Variants in TSC2 observed in about 807,000 individuals in gnomAD.
TSC2 encodes the protein tuberin.
TSC2 carries 29 observed loss-of-function variants against 202.2 expected under a neutral mutation model. That is an observed-to-expected ratio of 0.14 (90% confidence interval 0.11 to 0.20). The LOEUF (loss-of-function observed/expected upper bound fraction) is 0.20, where lower values mean the gene tolerates loss of function less well. Ranked by LOEUF, TSC2 falls within the 10% of genes least tolerant of loss-of-function variation. The probability of loss-of-function intolerance (pLI) is 1.00; values close to 1 mark genes in which losing one functional copy is unlikely to be tolerated. For missense variants in TSC2, 2,429 were observed against 2,420.0 expected (o/e 1.00, Z -0.08); for synonymous variants, 1,349 against 1,044.0 (o/e 1.29, Z -5.63).
chr16:2,056,814 G>A (rs2151083012), intron 8 of TSC2, 45 bp downstream of exon 8: 1 of 1,601,518 alleles, frequency 6.2e-7, no homozygotes, highest in Non-Finnish European at 8.5e-7. Context: ...AGAGCACATG[G>A]ATGGGACAAG....
rs1440918649 is a variant in TSC2 at position 2,061,872 on chromosome 16, C to G, written c.1121C>G (p.Thr374Ser). The G allele has an allele frequency of 6.2e-7, 1 of 1,614,106 alleles. No individual in the cohort carries two copies. The highest frequency in any genetic ancestry group is 8.5e-7 in the Non-Finnish European group (1 of 1,180,036). The change falls in exon 12 of 42, where the codon ACC (threonine) becomes AGC (serine). Residue 374 changes from threonine to serine, a missense_variant and splice_region_variant. Physicochemically the swap from Thr to Ser is moderately conservative, Grantham distance 58. Coordinates refer to ENST00000219476, the MANE Select transcript of TSC2 (RefSeq NM_000548.5). ...GTGTCATCGTGCCTGGTACTGCAGA[C>G]CTTGGACAGCCCGGAGCTCAGGACC... ...IIERLLQQLQTLDSPELRTIV... is the reference protein window; with the variant it reads ...IIERLLQQLQSLDSPELRTIV...
intron 11 of TSC2, chr16:2,061,474 G>A (rs2086629797): frequency 5.6e-6 from 2 of 356,040 alleles, no homozygotes; most frequent in Non-Finnish European, 1.1e-5. Context: ...GCTGGACCTG[G>A]GAGAGGCAAG....
chr16:2,059,445 C>A (rs1399824121), intron 10 of TSC2, among the ~76,000 whole-genome samples: 1 of 140,242 alleles, frequency 7.1e-6, no homozygotes, highest in East Asian at 2.2e-4. Context: ...CCAGTTCAAG[C>A]CATTCTGCCT....
intron 9 of TSC2, among the ~76,000 whole-genome samples, chr16:2,057,766 C>T (rs892023222): frequency 1.3e-5 from 2 of 151,936 alleles, no homozygotes; most frequent in African/African-American, 4.8e-5. Flanking sequence ...CTGGGGCCAG[C>T]CCTGCCTCAG....
At chr16:2,048,279 G>A (rs1175879273) in intron 1 of TSC2, 2 of 1,192,874 alleles carry the variant, frequency 1.7e-6, no homozygotes, top group East Asian at 5.1e-5. Flanking sequence ...CATGGGTAGA[G>A]GAGAGACGGC....
chr16:2,056,734 A>G lies in TSC2; in HGVS notation c.739A>G (p.Ile247Val), dbSNP rs774526017. The G allele has an allele frequency of 6.2e-6, 10 of 1,611,648 alleles. No individual in the cohort carries two copies. In the East Asian group the frequency reaches 6.7e-5, roughly 11 times the overall value. Residue 247 changes from isoleucine (I) to valine (V), a missense_variant, in exon 8 of 42, where the codon ATC becomes GTC. Coordinates refer to ENST00000219476, the MANE Select transcript of TSC2 (RefSeq NM_000548.5). ...GTTCATCGTTACCCTCTGTCGCACC[A>G]TCAACGTCAAGGAGCTCTGCGAGCC... is the stretch of plus-strand genomic sequence containing the variant. The part of the protein sequence containing the change: ...PLFIVTLCRT[I>V]NVKELCEPCW...
Position 2,074,188 on chromosome 16 carries a change from T to C in TSC2, c.2356-12T>C, listed in dbSNP as rs1388493955. The C allele has an allele frequency of 3.7e-6, 6 of 1,610,658 alleles. No homozygotes were observed. In the South Asian group the frequency reaches 5.5e-5, roughly 15 times the overall value. ...CAAGCGGGTGGGGCCTGAGGTGTCC[T>C]GTCTCCTGCAGCGCGAGATGGTCTA... On this transcript the variant is annotated splice_polypyrimidine_tract_variant and intron_variant, in intron 21 of 41. Coordinates refer to ENST00000219476, the MANE Select transcript of TSC2 (RefSeq NM_000548.5).
intron 20 of TSC2, 44 bp from the exon 21 acceptor site, chr16:2,072,805 C>G: frequency 6.2e-7 from 1 of 1,612,786 alleles, no homozygotes; most frequent in South Asian, 1.1e-5. Flanking sequence ...TACCCCGTGA[C>G]CTGGCCGCTG....
rs1567132207 is a variant in TSC2, at chr16:2,088,296, C to T, written c.5230C>T (p.Leu1744Phe). 6.2e-7 allele frequency: 1 copy of T among 1,612,762 alleles called. No homozygotes were observed. Among genetic ancestry groups the T allele is most frequent in the Non-Finnish European group, 8.5e-7 (1 of 1,179,948 alleles). Residue 1744 changes from leucine (L) to phenylalanine (F), a missense_variant, in exon 41 of 42, where the codon CTC becomes TTC. Physicochemically the swap from Leu to Phe is conservative, Grantham distance 22. Transcript: ENST00000219476. ...CTACCCCTCCAAGTGGATTGCCCGG[C>T]TCCGCCACATCAAGCGGCTCCGCCA... Reference protein sequence around the residue: ...DIYPSKWIARLRHIKRLRQRI... With the variant: ...DIYPSKWIARFRHIKRLRQRI...
chr16:2,062,015 C>T lies in TSC2; in HGVS notation c.1257+7C>T, dbSNP rs1596303823. On this transcript the variant is annotated splice_region_variant and intron_variant, in intron 12 of 41. Coordinates refer to ENST00000219476, the MANE Select transcript of TSC2 (RefSeq NM_000548.5). ...ATGTGCGGACCAGAGGCCTGTGAGACCCCCTCCTGGGTGGGGCCTTTGGGC... is the reference window on the plus strand; with the variant it reads ...ATGTGCGGACCAGAGGCCTGTGAGATCCCCTCCTGGGTGGGGCCTTTGGGC... 6.2e-7 allele frequency: 1 copy of T among 1,614,022 alleles called. No individual in the cohort carries two copies. The highest frequency in any genetic ancestry group is 8.5e-7 in the Non-Finnish European group (1 of 1,179,996).
chr16:2,053,669 C>T (rs1185841166), intron 4 of TSC2: 6 of 673,942 alleles, frequency 8.9e-6, no homozygotes, highest in Admixed American at 2.0e-5. Context: ...CAGATGGTCA[C>T]TGCACCTTCC....
chr16:2,081,093 G>A (rs1024946620), intron 30 of TSC2: 6 of 239,196 alleles, frequency 2.5e-5, no homozygotes, highest in Admixed American at 5.1e-5. Context: ...CTTGCTAGCC[G>A]TAATTAGCTT....
intron 3 of TSC2, among the ~76,000 whole-genome samples, chr16:2,051,748 G>A (rs2516737): frequency 0.11 from 16,980 of 152,136 alleles, 1,094 homozygotes; most frequent in African/African-American, 0.17. Flanking sequence ...CTGGCCGTAC[G>A]CTACCAAAGA....
At chr16:2,070,993 G>A (rs563108597) in intron 17 of TSC2, among the ~76,000 whole-genome samples, 7,922 of 151,360 alleles carry the variant, frequency 0.052, 717 homozygotes, top group African/African-American at 0.18. Flanking sequence ...GAGAGGGCAG[G>A]GCAGGGATGG....
chr16:2,085,478 C>A (rs983365441), intron 36 of TSC2, among the ~76,000 whole-genome samples, 156 bp downstream of exon 36: 2 of 152,218 alleles, frequency 1.3e-5, no homozygotes, highest in Non-Finnish European at 2.9e-5. Flanking sequence ...CCAGGTGCTG[C>A]TCTGAGTGCT....
At chr16:2,087,775 G>C (rs1222441128) in intron 38 of TSC2, 88 bp from the exon 39 acceptor site, 48 of 1,465,700 alleles carry the variant, frequency 3.3e-5, no homozygotes, top group Non-Finnish European at 4.3e-5. Flanking sequence ...GGAGCTGACA[G>C]GTGTCTAGCA....
In TSC2 at chr16:2,073,002, A is replaced by T. The variant is rs535037838; in HGVS notation, c.2355+19A>T. On this transcript the variant is annotated intron_variant, in intron 21 of 41. Transcript: ENST00000219476. ...CAAACAGGTAGGAGGTCAGAGCAGG[A>T]CAGGCGAGCTTGATGGGGCCTGGGA... 4.3e-6 allele frequency: 7 copies of T among 1,613,174 alleles called. No individual in the cohort carries two copies. The highest frequency in any genetic ancestry group is 5.9e-6 in the Non-Finnish European group (7 of 1,180,006).
chr16:2,058,987 CT>C, intron 10 of TSC2, 114 bp downstream of exon 10: 3 of 1,511,438 alleles, frequency 2.0e-6, no homozygotes, highest in Admixed American at 2.0e-5. Flanking sequence ...ATTTCTAGGC[CT>C]TTCCAGGCAG....
At position 2,080,210 on chromosome 16, in the gene TSC2, A is replaced by G. The variant is rs1217539900; in HGVS notation, c.3443A>G (p.Gln1148Arg). ...GGCGCCCTGGACGTGCCGGCCTCCC[A>G]GTTCCTGGGCAGTGCCACTTCTCCA... Reference protein sequence around the residue: ...RVGALDVPASQFLGSATSPGP... With the variant: ...RVGALDVPASRFLGSATSPGP... Residue 1148 changes from glutamine (Q) to arginine (R), a missense_variant, in exon 30 of 42, where the codon CAG (glutamine) becomes CGG (arginine). By Grantham distance (43) the Gln-to-Arg change is conservative (BLOSUM62 1). Transcript: ENST00000219476. 1.2e-6 allele frequency: 2 copies of G among 1,612,950 alleles called. No homozygotes were observed. The highest frequency in any genetic ancestry group is 1.7e-6 in the Non-Finnish European group (2 of 1,180,004).
Sources: gnomAD v4.1 joint callset for allele counts (sites outside exome capture counted in the v4.1 genomes callset) on GRCh38, gnomAD v4.1.1 for gene constraint, MANE v1.5 for transcripts, NCBI Gene and HGNC (gene_info 2026-07-23, HGNC 2026-07-21) for gene names.